Variants in MYO3A observed in about 807,000 individuals in gnomAD.
The protein encoded by MYO3A is myosin IIIA, also known as myosin-IIIa.
In MYO3A, 180 loss-of-function variants were observed where a neutral mutation model predicts 192.7. The observed-to-expected ratio is 0.93, with a 90% CI of 0.83 to 1.06. MYO3A has a LOEUF of 1.06. MYO3A is among the 50% of genes least tolerant of loss of function. The pLI is 0.00. For synonymous variants in MYO3A, 628 were observed against 645.3 expected, an observed-to-expected ratio of 0.97 and a Z score of 0.41; for missense variants, 1,896 against 1,905.0, an observed-to-expected ratio of 1.00 and a Z score of 0.09.
intron 4 of MYO3A, among the ~76,000 whole-genome samples, chr10:25,984,712 C>A (rs558060463): frequency 3.0e-4 from 45 of 152,224 alleles, no homozygotes; most frequent in African/African-American, 1.1e-3. Flanking sequence ...ATATCAAGAC[C>A]ACAGTGGAAT....
intron 17 of MYO3A, among the ~76,000 whole-genome samples, chr10:26,111,566 T>G (rs543203367): frequency 2.6e-5 from 4 of 152,234 alleles, no homozygotes; most frequent in African/African-American, 9.6e-5. Flanking sequence ...CCCTCAGTCC[T>G]CCCTAATCGG....
chr10:26,023,723 T>A lies in MYO3A; in HGVS notation c.732-299T>A, dbSNP rs17738768. ...TCCCCAGTATCTATTGTTTCTATTC[T>A]GTTAAGTATTGATGTTTCCCCCTAG... is the stretch of plus-strand genomic sequence containing the variant. On this transcript the variant is annotated intron_variant, in intron 8 of 34. Transcript: ENST00000642920. Among the ~76,000 whole-genome samples the A allele has an allele frequency of 0.17, 25,246 of 152,168 alleles. 2,367 individuals carry two copies. Among genetic ancestry groups the A allele is most frequent in the Non-Finnish European group, 0.21 (14,176 of 67,968 alleles).
At chr10:26,019,610 C>G (rs1842195518) in intron 7 of MYO3A, among the ~76,000 whole-genome samples, 1 of 152,234 alleles carries the variant, frequency 6.6e-6, no homozygotes, top group Non-Finnish European at 1.5e-5. Flanking sequence ...GCCACTGTAC[C>G]TGGCCTGGGT....
intron 17 of MYO3A, among the ~76,000 whole-genome samples, chr10:26,098,177 G>C (rs1422585210): frequency 1.3e-5 from 2 of 152,172 alleles, no homozygotes; most frequent in Non-Finnish European, 2.9e-5. Context: ...GTGATGATGA[G>C]CATTTTTTCT....
At chr10:25,938,373 G>C (rs980132436) in intron 2 of MYO3A, among the ~76,000 whole-genome samples, 5 of 152,202 alleles carry the variant, frequency 3.3e-5, no homozygotes, top group Admixed American at 3.3e-4. Flanking sequence ...ACACAGGAAA[G>C]TCAGAAATGG....
At chr10:26,204,951 G>A (rs575997562) in intron 34 of MYO3A, among the ~76,000 whole-genome samples, 38 of 152,242 alleles carry the variant, frequency 2.5e-4, no homozygotes, top group Non-Finnish European at 4.4e-5. Flanking sequence ...ACCAAACAGC[G>A]AAATAGTGCT....
chr10:26,169,346 G>A (rs1262780808), intron 28 of MYO3A, among the ~76,000 whole-genome samples: 2 of 152,076 alleles, frequency 1.3e-5, no homozygotes, highest in African/African-American at 4.8e-5. Flanking sequence ...TTATTAAGCT[G>A]TATTAATAGA....
chr10:26,077,252 T>TTTTTTTTTTTTC (rs1835647062), intron 14 of MYO3A, among the ~76,000 whole-genome samples: 1 of 146,864 alleles, frequency 6.8e-6, no homozygotes, highest in Non-Finnish European at 1.5e-5. Flanking sequence ...TTTTTTTTTT[T>TTTTTTTTTTTTC]TTTGCAGCTG....
At chr10:26,086,625 T>TA (rs946591853) in intron 14 of MYO3A, among the ~76,000 whole-genome samples, 14 of 148,084 alleles carry the variant, frequency 9.5e-5, no homozygotes, top group East Asian at 2.0e-4. Context: ...AGGAGAGACC[T>TA]AAAAAAAAAA....
At chr10:26,050,791 AG>A (rs112027250) in intron 10 of MYO3A, among the ~76,000 whole-genome samples, 24,738 of 152,198 alleles carry the variant, frequency 0.16, 2,303 homozygotes, top group Non-Finnish European at 0.21. Flanking sequence ...CCTTTTCAAA[AG>A]CACACAAATC....
chr10:26,184,270 T>C (rs1474578011), intron 31 of MYO3A, among the ~76,000 whole-genome samples: 2 of 152,196 alleles, frequency 1.3e-5, no homozygotes, highest in Non-Finnish European at 2.9e-5. Flanking sequence ...GTTGCAACCA[T>C]GACTAGAGTG....
At chr10:26,058,320 C>G (rs1237038096) in intron 10 of MYO3A, among the ~76,000 whole-genome samples, 1 of 152,070 alleles carries the variant, frequency 6.6e-6, no homozygotes, top group Non-Finnish European at 1.5e-5. Context: ...CTTGATAGCT[C>G]ATTGCCTTTT....
At chr10:25,951,143 C>T (rs1036053981) in intron 2 of MYO3A, among the ~76,000 whole-genome samples, 2 of 152,064 alleles carry the variant, frequency 1.3e-5, no homozygotes, top group African/African-American at 4.8e-5. Flanking sequence ...ATATCAGATA[C>T]ATAAATGCTA....
rs1219236656 is a variant in MYO3A at position 26,021,497 on chromosome 10, T to A, written c.586-6T>A. On this transcript the variant is annotated splice_region_variant and splice_polypyrimidine_tract_variant and intron_variant, in intron 7 of 34. Transcript: ENST00000642920. ...TTCACCTTTTGATGGTGTGGTTTTCTACTAGGTGATTGCATGTGAACAGCA... is the reference window on the plus strand; with the variant it reads ...TTCACCTTTTGATGGTGTGGTTTTCAACTAGGTGATTGCATGTGAACAGCA... 1 of 1,613,966 alleles carries A rather than the reference T, an allele frequency of 6.2e-7. No homozygotes were observed. The highest frequency in any genetic ancestry group is 2.2e-5 in the East Asian group (1 of 44,878).
intron 20 of MYO3A, among the ~76,000 whole-genome samples, chr10:26,130,235 G>A (rs1839453618): frequency 6.6e-6 from 1 of 151,946 alleles, no homozygotes; most frequent in African/African-American, 2.4e-5. Context: ...CTCCCAAGTA[G>A]CTGGGACCAC....
At chr10:26,154,724 C>A (rs1383425768) in intron 24 of MYO3A, 22 bp from the exon 25 acceptor site, 2 of 1,603,374 alleles carry the variant, frequency 1.2e-6, no homozygotes, top group Non-Finnish European at 1.7e-6. Flanking sequence ...CAAGGCATCA[C>A]TGTCTTCCTT....
intron 29 of MYO3A, among the ~76,000 whole-genome samples, chr10:26,171,175 T>C (rs1842029080): frequency 2.0e-5 from 3 of 152,132 alleles, no homozygotes; most frequent in South Asian, 2.1e-4. Context: ...CCTGCCTTGG[T>C]TGGTAGTGGT....
intron 31 of MYO3A, among the ~76,000 whole-genome samples, chr10:26,191,917 C>A (rs1196913716): frequency 1.3e-5 from 2 of 152,114 alleles, no homozygotes; most frequent in East Asian, 3.9e-4. Flanking sequence ...TTACTGTATG[C>A]AAGAATGAGC....
chr10:26,185,125 G>A (rs1400363775), intron 31 of MYO3A, among the ~76,000 whole-genome samples: 1 of 152,098 alleles, frequency 6.6e-6, no homozygotes, highest in Non-Finnish European at 1.5e-5. Flanking sequence ...AATATCTTAA[G>A]TGAGACACCC....
Sources: gnomAD v4.1 joint callset for allele counts (sites outside exome capture counted in the v4.1 genomes callset) on GRCh38, gnomAD v4.1.1 for gene constraint, MANE v1.5 for transcripts, NCBI Gene and HGNC (gene_info 2026-07-23, HGNC 2026-07-21) for gene names.